STK39: variants seen among roughly 807,000 people sequenced by gnomAD.
STK39 encodes the protein serine/threonine kinase 39, also known as STE20/SPS1-related proline-alanine-rich protein kinase.
Under a neutral mutation model 77.8 loss-of-function variants are expected in STK39, and 20 were observed. The observed-to-expected ratio is 0.26, with a 90% CI of 0.18 to 0.37. STK39 has a LOEUF of 0.37. Among genes scored for constraint, STK39 ranks in the 10% least tolerant of loss-of-function variants. STK39 has a pLI of 1.00. For missense variants in STK39, 479 were observed against 656.5 expected (o/e 0.73, Z 2.95); for synonymous variants, 246 against 234.1 (o/e 1.05, Z -0.47).
At chr2:168,223,744 G>A (rs186892250) in intron 1 of STK39, among the ~76,000 whole-genome samples, 6 of 152,098 alleles carry the variant, frequency 3.9e-5, no homozygotes, top group Admixed American at 2.6e-4. Flanking sequence ...ACCAACCCTC[G>A]CAGGAATGAG....
intron 10 of STK39, among the ~76,000 whole-genome samples, chr2:168,128,509 C>T (rs1263733432): frequency 6.6e-6 from 1 of 152,164 alleles, no homozygotes; most frequent in Non-Finnish European, 1.5e-5. Context: ...TCAATCCTCC[C>T]CAGCCACAGC....
chr2:168,035,676 T>C (rs1253212092), intron 14 of STK39, among the ~76,000 whole-genome samples: 1 of 152,158 alleles, frequency 6.6e-6, no homozygotes, highest in Non-Finnish European at 1.5e-5. Context: ...AGAAACAAAG[T>C]ACCATACTGA....
intron 10 of STK39, among the ~76,000 whole-genome samples, chr2:168,115,059 T>C (rs565392600): frequency 6.6e-6 from 1 of 152,258 alleles, no homozygotes; most frequent in African/African-American, 2.4e-5. Flanking sequence ...CATAATAGGC[T>C]CTAGGTCAAT....
intron 5 of STK39, among the ~76,000 whole-genome samples, chr2:168,158,459 G>C (rs1406528422): frequency 2.0e-5 from 3 of 152,190 alleles, no homozygotes; most frequent in African/African-American, 7.2e-5. Context: ...GAAGGAGCAA[G>C]GAGGAAGAAG....
chr2:168,021,850 T>C (rs1315059418), intron 14 of STK39, among the ~76,000 whole-genome samples: 3 of 151,910 alleles, frequency 2.0e-5, no homozygotes, highest in African/African-American at 7.3e-5. Flanking sequence ...CAATAGGGCA[T>C]TAAATATTCT....
rs564112396 is a variant in STK39 at position 168,234,612 on chromosome 2, C to T, written c.208+12616G>A. The stretch of plus-strand genomic sequence containing the variant: ...ACTTTACAACACACACCCACCTCCA[C>T]CTCACTGACAGATTATAACCAAAGA... On this transcript the variant is annotated intron_variant, in intron 1 of 17. Coordinates refer to ENST00000355999, the MANE Select transcript of STK39 (RefSeq NM_013233.3). Among the ~76,000 whole-genome samples the T allele has an allele frequency of 5.4e-4, 83 of 152,298 alleles. 2 individuals are homozygous for T. The South Asian group carries it at 0.017, about 31-fold the overall frequency.
intron 2 of STK39, among the ~76,000 whole-genome samples, chr2:168,171,114 C>T (rs941817175): frequency 2.6e-5 from 4 of 152,186 alleles, no homozygotes; most frequent in African/African-American, 9.7e-5. Flanking sequence ...TTCTCTGAGG[C>T]TGACAGAGCT....
intron 1 of STK39, among the ~76,000 whole-genome samples, chr2:168,221,743 C>CGT (rs961099298): frequency 9.2e-5 from 14 of 152,058 alleles, no homozygotes; most frequent in African/African-American, 3.4e-4. Flanking sequence ...AAGGTCAGAC[C>CGT]GTAAAGGGCA....
intron 1 of STK39, chr2:168,231,895 G>C (rs893039841): frequency 4.3e-6 from 1 of 234,684 alleles, no homozygotes; most frequent in Non-Finnish European, 9.5e-6. Flanking sequence ...AGCTTGATGT[G>C]GGGGGAGGAA....
In STK39 at chr2:168,247,478, G is replaced by T. The variant is rs779937723; in HGVS notation, c.-43C>A. 2 of 1,287,174 alleles carry T rather than the reference G, an allele frequency of 1.6e-6. No homozygotes were observed. The highest frequency in any genetic ancestry group is 2.0e-6 in the Non-Finnish European group (2 of 1,002,110). 79.7% of individuals were successfully genotyped at this position (1,287,174 alleles called of 1,614,324 possible). ...CAGGAGGACGCGCCGGCCGACGGAC[G>T]ACCTTCCACTTGAAACTTCCTTTGC... On this transcript the variant is annotated 5_prime_UTR_variant, in exon 1 of 18. Transcript: ENST00000355999.
intron 16 of STK39, among the ~76,000 whole-genome samples, chr2:167,999,782 T>C (rs1398149829): frequency 6.6e-6 from 1 of 152,138 alleles, no homozygotes; most frequent in Non-Finnish European, 1.5e-5. Context: ...GCTTTATTTA[T>C]TGAATGAATG....
chr2:167,974,304 C>T (rs1365811241), intron 16 of STK39, among the ~76,000 whole-genome samples: 3 of 151,992 alleles, frequency 2.0e-5, no homozygotes, highest in Non-Finnish European at 2.9e-5. Context: ...TTTCATAATA[C>T]CAAGTGTTTT....
rs957324042 is a variant in STK39, at chr2:168,183,428, G to A, written c.209-1338C>T. Among the ~76,000 whole-genome samples the A allele has an allele frequency of 2.0e-5, 3 of 152,026 alleles. No homozygotes were observed. In the South Asian group the frequency reaches 6.2e-4, roughly 32 times the overall value. On this transcript the variant is annotated intron_variant, in intron 1 of 17. Coordinates refer to ENST00000355999, the MANE Select transcript of STK39 (RefSeq NM_013233.3). ...GCCTCATTTTACATGGGAGAAAACC[G>A]GGACTCAGAAAACTTGCCCAAGGTC...
chr2:168,114,078 T>C (rs1413271876), intron 10 of STK39, among the ~76,000 whole-genome samples: 1 of 152,226 alleles, frequency 6.6e-6, no homozygotes, highest in Non-Finnish European at 1.5e-5. Context: ...TCAGAAATCA[T>C]ACAATTAAAA....
intron 14 of STK39, among the ~76,000 whole-genome samples, chr2:168,062,865 T>C (rs141656716): frequency 0.011 from 1,631 of 152,316 alleles, 37 homozygotes; most frequent in African/African-American, 0.037. Context: ...AACAGTTTTG[T>C]CTTGAGATAT....
At chr2:168,006,041 G>C (rs1684124578) in intron 16 of STK39, among the ~76,000 whole-genome samples, 1 of 152,162 alleles carries the variant, frequency 6.6e-6, no homozygotes, top group Admixed American at 6.5e-5. Context: ...CCCTTCTCAG[G>C]AAACAGAAAT....
intron 1 of STK39, among the ~76,000 whole-genome samples, chr2:168,187,126 G>T (rs765072113): frequency 4.6e-5 from 7 of 152,208 alleles, no homozygotes; most frequent in Non-Finnish European, 1.0e-4. Flanking sequence ...GCCAAGGCAG[G>T]TGGATCACAA....
chr2:168,070,474 C>T (rs1406536249), intron 12 of STK39, among the ~76,000 whole-genome samples: 1 of 148,336 alleles, frequency 6.7e-6, no homozygotes, highest in African/African-American at 2.5e-5. Flanking sequence ...ACTTTAAGTT[C>T]TAGGGTACAT....
At chr2:168,079,238 C>T (rs991283276) in intron 10 of STK39, among the ~76,000 whole-genome samples, 2 of 152,154 alleles carry the variant, frequency 1.3e-5, no homozygotes, top group African/African-American at 4.8e-5. Flanking sequence ...CCTACACCTA[C>T]TGCCTGGCTC....
Sources: gnomAD v4.1 joint callset for allele counts (sites outside exome capture counted in the v4.1 genomes callset) on GRCh38, gnomAD v4.1.1 for gene constraint, MANE v1.5 for transcripts, NCBI Gene and HGNC (gene_info 2026-07-23, HGNC 2026-07-21) for gene names.